Variants in CCDC50 observed in about 807,000 individuals in gnomAD.
The protein encoded by CCDC50 is coiled-coil domain containing 50.
In CCDC50, 54 loss-of-function variants were observed where a neutral mutation model predicts 70.2. That is an observed-to-expected ratio of 0.77 (90% CI 0.62 to 0.96). CCDC50 has a LOEUF of 0.96. Among genes scored for constraint, CCDC50 ranks in the 50% least tolerant of loss-of-function variants. The probability of loss-of-function intolerance (pLI) is 0.00; values close to 1 mark genes in which losing one functional copy is unlikely to be tolerated. For synonymous variants in CCDC50, 216 were observed against 198.8 expected, an observed-to-expected ratio of 1.09 and a Z score of -0.73; for missense variants, 558 against 578.7, an observed-to-expected ratio of 0.96 and a Z score of 0.37.
chr3:191,389,201 A>G (rs1004876026), intron 10 of CCDC50, among the ~76,000 whole-genome samples: 5 of 151,894 alleles, frequency 3.3e-5, no homozygotes, highest in Non-Finnish European at 5.9e-5. Context: ...TTTATTTCTT[A>G]TAAATGGCAG....
intron 3 of CCDC50, among the ~76,000 whole-genome samples, chr3:191,360,704 T>C (rs1560162666): frequency 6.6e-6 from 1 of 152,204 alleles, no homozygotes; most frequent in African/African-American, 2.4e-5. Flanking sequence ...TAACATGGCA[T>C]GACAGAGAAT....
intron 1 of CCDC50, among the ~76,000 whole-genome samples, chr3:191,337,380 A>T (rs751133788): frequency 6.6e-6 from 1 of 152,038 alleles, no homozygotes; most frequent in Non-Finnish European, 1.5e-5. Context: ...TACAGAGTTA[A>T]ATCATTTTTC....
chr3:191,371,026 T>C (rs562264887), intron 5 of CCDC50, among the ~76,000 whole-genome samples: 1 of 152,318 alleles, frequency 6.6e-6, no homozygotes, highest in East Asian at 1.9e-4. Flanking sequence ...AAAGAAGGTA[T>C]ACCATGCATC....
Position 191,380,834 on chromosome 3 carries a change from G to T in CCDC50, c.1144G>T (p.Ala382Ser), listed in dbSNP as rs143628723. 8.7e-6 allele frequency: 14 copies of T among 1,612,740 alleles called. No homozygotes were observed. Among genetic ancestry groups the T allele is most frequent in the South Asian group, 6.6e-5 (6 of 91,054 alleles). ...TTGACTGTATTTTGTTTAGGAAATC[G>T]CTCGACTTCTAATGGCTGAAGAAAA... ...AAQVAQDEEI[A>S]RLLMAEEKKA... Residue 382 changes from alanine (A) to serine (S), a missense_variant, in exon 9 of 12, where the codon GCT becomes TCT. By Grantham distance (99) the Ala-to-Ser change is moderately conservative (BLOSUM62 1). Coordinates refer to ENST00000392455, the MANE Select transcript of CCDC50 (RefSeq NM_178335.3).
chr3:191,363,447 A>G (rs1712566601), intron 4 of CCDC50, among the ~76,000 whole-genome samples: 1 of 152,202 alleles, frequency 6.6e-6, no homozygotes, highest in South Asian at 2.1e-4. Flanking sequence ...TTAACCACGC[A>G]GAACCTCAGG....
intron 1 of CCDC50, among the ~76,000 whole-genome samples, chr3:191,344,613 C>G (rs1311120997): frequency 6.6e-6 from 1 of 152,192 alleles, no homozygotes; most frequent in Non-Finnish European, 1.5e-5. Context: ...GAGTCTCGCT[C>G]TGTCACGCAG....
chr3:191,339,021 AG>A (rs1711617404), intron 1 of CCDC50, among the ~76,000 whole-genome samples: 1 of 152,164 alleles, frequency 6.6e-6, no homozygotes, highest in Non-Finnish European at 1.5e-5. Flanking sequence ...TTTTAGATAA[AG>A]GGGGGAAGGC....
Position 191,358,073 on chromosome 3 carries a change from A to G in CCDC50, c.188A>G (p.Gln63Arg). 2 of 1,614,032 alleles carry G rather than the reference A, an allele frequency of 1.2e-6. No homozygotes were observed. Among genetic ancestry groups the G allele is most frequent in the South Asian group, 1.1e-5 (1 of 91,082 alleles). Residue 63 changes from glutamine (Q) to arginine (R), a missense_variant, in exon 3 of 12, where the codon CAA (glutamine) becomes CGA (arginine). Physicochemically the swap from Gln to Arg is conservative, Grantham distance 43. Transcript: ENST00000392455. ...QHDLQVAKQL[Q>R]EEDLKAQAQL... ...GATCTCCAGGTGGCTAAGCAGCTCC[A>G]AGAGGAAGATCTGAAAGCGCAGGCC... is the stretch of plus-strand genomic sequence containing the variant.
chr3:191,372,808 T>C (rs6787029), intron 5 of CCDC50, among the ~76,000 whole-genome samples: 73,360 of 151,846 alleles, frequency 0.48, 18,895 homozygotes, highest in African/African-American at 0.68. Context: ...TTTTTTAAGT[T>C]GTGGTCTTTG....
At chr3:191,385,327 G>A (rs113481139) in intron 10 of CCDC50, among the ~76,000 whole-genome samples, 1 of 152,128 alleles carries the variant, frequency 6.6e-6, no homozygotes, top group Non-Finnish European at 1.5e-5. Flanking sequence ...GCTAACATCT[G>A]TTATTGTTTG....
intron 1 of CCDC50, among the ~76,000 whole-genome samples, chr3:191,347,755 G>C (rs1380431682): frequency 1.4e-5 from 2 of 142,242 alleles, no homozygotes; most frequent in African/African-American, 2.5e-5. Flanking sequence ...GGAATTTACT[G>C]TTGTTTGAGG....
rs185256989 is a variant in CCDC50 at position 191,340,910 on chromosome 3, A to G, written c.49+11187A>G. Among the ~76,000 whole-genome samples the G allele has an allele frequency of 1.3e-3, 203 of 152,224 alleles. 2 individuals are homozygous for G. The highest frequency in any genetic ancestry group is 2.4e-4 in the Non-Finnish European group (16 of 67,996). Reference sequence around the variant, plus strand: ...GCGTGCAGTGGTGCAGTCATAGCTCACTGTGGCCTCAAGCTCCTGGGCTCA... The same window carrying G: ...GCGTGCAGTGGTGCAGTCATAGCTCGCTGTGGCCTCAAGCTCCTGGGCTCA... On this transcript the variant is annotated intron_variant, in intron 1 of 11. Transcript: ENST00000392455.
intron 4 of CCDC50, among the ~76,000 whole-genome samples, chr3:191,365,456 A>G (rs566084296): frequency 1.3e-5 from 2 of 152,292 alleles, no homozygotes; most frequent in African/African-American, 2.4e-5. Flanking sequence ...AGTATTATAA[A>G]TATGACTAGA....
chr3:191,356,887 A>G (rs1005326651), intron 1 of CCDC50, among the ~76,000 whole-genome samples: 1 of 152,240 alleles, frequency 6.6e-6, no homozygotes, highest in Non-Finnish European at 1.5e-5. Context: ...TGTGCTTGGC[A>G]CTAAGCAGGC....
chr3:191,337,715 A>T (rs1711567283), intron 1 of CCDC50, among the ~76,000 whole-genome samples: 1 of 152,140 alleles, frequency 6.6e-6, no homozygotes, highest in African/African-American at 2.4e-5. Flanking sequence ...ATGTAGGTAG[A>T]AATCTTATGT....
intron 11 of CCDC50, among the ~76,000 whole-genome samples, chr3:191,390,226 T>C (rs76013475): frequency 0.019 from 2,951 of 152,162 alleles, 110 homozygotes; most frequent in African/African-American, 0.067. Context: ...GTGGCTCTTG[T>C]TTCCTATCTG....
At position 191,329,591 on chromosome 3, in the gene CCDC50, C is replaced by T. The variant is rs1717874066; in HGVS notation, c.-84C>T. 6.9e-7 allele frequency: 1 copy of T among 1,455,336 alleles called. No individual in the cohort carries two copies. Among genetic ancestry groups the T allele is most frequent in the Admixed American group, 2.0e-5 (1 of 49,656 alleles). The allele number at this position is 1,455,336 out of a possible 1,614,324, so 90.2% of individuals were successfully genotyped here. ...GCCGGACTTTGCGCCGCGTCCGGCG[C>T]TGCTGCTGCGCTCGGGGCCCCGCTC... On this transcript the variant is annotated 5_prime_UTR_variant, in exon 1 of 12. Transcript: ENST00000392455.
In CCDC50 at chr3:191,358,083, T is replaced by C. The variant is rs1200646748; in HGVS notation, c.198T>C (p.Asp66=). ...LQVAKQLQEE[D]LKAQAQLQKR... ...TGGCTAAGCAGCTCCAAGAGGAAGA[T>C]CTGAAAGCGCAGGCCCAGCTCCAGA... Residue 66 remains aspartate, a synonymous_variant, in exon 3 of 12, where the codon GAT becomes GAC. Coordinates refer to ENST00000392455, the MANE Select transcript of CCDC50 (RefSeq NM_178335.3). 1.2e-6 allele frequency: 2 copies of C among 1,613,812 alleles called. No individual in the cohort carries two copies. The highest frequency in any genetic ancestry group is 2.7e-5 in the African/African-American group (2 of 74,884).
At chr3:191,338,934 A>G (rs1455321952) in intron 1 of CCDC50, among the ~76,000 whole-genome samples, 1 of 152,144 alleles carries the variant, frequency 6.6e-6, no homozygotes, top group Non-Finnish European at 1.5e-5. Context: ...CTGTTACTAG[A>G]GTATTCAGTT....
Sources: allele counts gnomAD v4.1 joint callset (sites outside exome capture counted in the v4.1 genomes callset), GRCh38; gene constraint gnomAD v4.1.1; transcripts MANE v1.5; gene names NCBI Gene and HGNC (gene_info 2026-07-23, HGNC 2026-07-21).